UNK: variants seen among roughly 807,000 people sequenced by gnomAD.
UNK encodes unk zinc finger.
In UNK, 32 loss-of-function variants were observed where a neutral mutation model predicts 97.6. The observed-to-expected ratio is 0.33, with a 90% CI of 0.25 to 0.44. UNK has a LOEUF of 0.44. Ranked by LOEUF, UNK falls within the 20% of genes least tolerant of loss-of-function variation. UNK has a pLI of 1.00. For missense variants in UNK, 771 were observed against 1,098.4 expected (o/e 0.70, Z 4.21); for synonymous variants, 441 against 461.2 (o/e 0.96, Z 0.56).
Position 75,820,026 on chromosome 17 carries a change from G to T in UNK, c.1755G>T (p.Ser585=), listed in dbSNP as rs559521956. The T allele has an allele frequency of 6.2e-7, 1 of 1,613,856 alleles. No individual in the cohort carries two copies. The highest frequency in any genetic ancestry group is 8.5e-7 in the Non-Finnish European group (1 of 1,179,870). The change falls in exon 13 of 16, where the codon TCG becomes TCT. Residue 585 remains serine, a synonymous_variant. Transcript: ENST00000589666. The part of the protein sequence containing the change: ...ASPSPPVSLS[S]HFLQQPQGHL... ...CGTCCCCTCCCGTCAGCCTCTCCTC[G>T]CATTTCCTGCAGCAGCCCCAGGGCC...
In UNK at chr17:75,818,851, T is replaced by A. The variant is rs1033632735; in HGVS notation, c.1546+35T>A. On this transcript the variant is annotated intron_variant, in intron 11 of 15. Coordinates refer to ENST00000589666, the MANE Select transcript of UNK (RefSeq NM_001080419.3). This position sits in a 1 kb window ranked among gnomAD's most constrained non-coding sequence, Gnocchi z 5.1. The stretch of plus-strand genomic sequence containing the variant: ...CCATTTCTGTTTGAAAGCCCAGGAC[T>A]GGGTCTGGGGTCAGAGACCCCCCAG... 6.5e-7 allele frequency: 1 copy of A among 1,529,392 alleles called. No homozygotes were observed. The highest frequency in any genetic ancestry group is 8.8e-7 in the Non-Finnish European group (1 of 1,134,080). The allele number at this position is 1,529,392 out of a possible 1,614,324, so 94.7% of individuals were successfully genotyped here.
chr17:75,824,472 G>GTA lies in UNK; in HGVS notation c.*69_*70dup, dbSNP rs993389744. The GTA allele has an allele frequency of 2.2e-3, 2,442 of 1,097,882 alleles. 1 individual carries two copies. The highest frequency in any genetic ancestry group is 2.5e-3 in the Non-Finnish European group (2,106 of 857,988). 68.0% of individuals were successfully genotyped at this position (1,097,882 alleles called of 1,614,324 possible). Reference sequence around the variant, plus strand: ...ATCTTCTCACCTAGGACTTTTTAAAGTATATATATATATATGAATATATAT... The same window carrying GTA: ...ATCTTCTCACCTAGGACTTTTTAAAGTATATATATATATATATGAATATATAT... On this transcript the variant is annotated 3_prime_UTR_variant, in exon 16 of 16. Transcript: ENST00000589666. This position sits in a 1 kb window ranked among gnomAD's most constrained non-coding sequence, Gnocchi z 4.9.
intron 1 of UNK, among the ~76,000 whole-genome samples, chr17:75,795,586 C>T (rs919141413): frequency 2.0e-5 from 3 of 152,094 alleles, no homozygotes; most frequent in South Asian, 2.1e-4. Context: ...GTGATCTGCC[C>T]GTCTTGACCT....
At chr17:75,812,660 C>T in intron 4 of UNK, 75 bp downstream of exon 4, 2 of 1,544,658 alleles carry the variant, frequency 1.3e-6, no homozygotes, top group Non-Finnish European at 1.7e-6. Flanking sequence ...TGGCTCACCA[C>T]CACCTACTGC....
At chr17:75,788,208 C>G (rs1255043855) in intron 1 of UNK, among the ~76,000 whole-genome samples, 1 of 147,306 alleles carries the variant, frequency 6.8e-6, no homozygotes, top group Non-Finnish European at 1.5e-5. Context: ...GAGACAAAGT[C>G]TCACTCTGTT....
At chr17:75,813,646 G>A in intron 5 of UNK, 115 bp from the exon 6 acceptor site, 1 of 889,186 alleles carries the variant, frequency 1.1e-6, no homozygotes, top group Non-Finnish European at 1.7e-6. Flanking sequence ...TGACTCTGCA[G>A]CTGGTCTTTT....
intron 1 of UNK, among the ~76,000 whole-genome samples, chr17:75,790,940 GA>G (rs1372404196): frequency 6.6e-6 from 1 of 151,870 alleles, no homozygotes; most frequent in Non-Finnish European, 1.5e-5. Context: ...ACTCTGGCTT[GA>G]AAAAAATAAT....
rs984707471 is a variant in UNK at position 75,818,492 on chromosome 17, C to T, written c.1372-150C>T. On this transcript the variant is annotated intron_variant, in intron 10 of 15. Coordinates refer to ENST00000589666, the MANE Select transcript of UNK (RefSeq NM_001080419.3). This position sits in a 1 kb window ranked among gnomAD's most constrained non-coding sequence, Gnocchi z 5.1. Reference sequence around the variant, plus strand: ...CAACTCCATGCTCTCAACAAGGTGTCGGGTGTGCCGGGGCCCATGTGGGCA... The same window carrying T: ...CAACTCCATGCTCTCAACAAGGTGTTGGGTGTGCCGGGGCCCATGTGGGCA... The T allele has an allele frequency of 3.2e-5, 29 of 901,640 alleles. No homozygotes were observed. In the East Asian group the frequency reaches 4.3e-4, roughly 13 times the overall value. 55.9% of individuals were successfully genotyped at this position (901,640 alleles called of 1,614,324 possible). A position where few individuals can be genotyped will look rare whatever the true frequency, so the allele number is the denominator to read the frequency against.
intron 1 of UNK, among the ~76,000 whole-genome samples, chr17:75,789,197 G>A (rs2061740434): frequency 6.6e-6 from 1 of 152,080 alleles, no homozygotes; most frequent in Non-Finnish European, 1.5e-5. Flanking sequence ...AGGCACTTGT[G>A]CTGGACTTAG....
Position 75,812,136 on chromosome 17 carries a change from A to G in UNK, c.339A>G (p.Thr113=). ...GDECPFLHRT[T]GDTERRYHLR... is the part of the protein sequence containing the mutation. ...GGTGCCCATTCCTGCACAGAACCAC[A>G]GGGGACACTGAGCGCAGGTACCACC... The change falls in exon 3 of 16, where the codon ACA becomes ACG. Residue 113 remains threonine (T), a synonymous_variant. Coordinates refer to ENST00000589666, the MANE Select transcript of UNK (RefSeq NM_001080419.3). 1.2e-6 allele frequency: 2 copies of G among 1,611,730 alleles called. No homozygotes were observed. Among genetic ancestry groups the G allele is most frequent in the South Asian group, 2.2e-5 (2 of 90,798 alleles).
chr17:75,816,678 G>T lies in UNK; in HGVS notation c.962-92G>T. 6.9e-7 allele frequency: 1 copy of T among 1,438,894 alleles called. No individual in the cohort carries two copies. The highest frequency in any genetic ancestry group is 9.2e-7 in the Non-Finnish European group (1 of 1,086,758). The allele number at this position is 1,438,894 out of a possible 1,614,324, so 89.1% of individuals were successfully genotyped here. A position where few individuals can be genotyped will look rare whatever the true frequency, so the allele number is the denominator to read the frequency against. On this transcript the variant is annotated intron_variant, in intron 7 of 15. Transcript: ENST00000589666. This position sits in a 1 kb window ranked among gnomAD's most constrained non-coding sequence, Gnocchi z 4.0. The stretch of plus-strand genomic sequence containing the variant: ...GGAACCTTCCCTTTATGTGCAGGGG[G>T]ATTTGTGGTCTCCTTTGGAAGGGAC...
At chr17:75,821,362 T>G (rs1599392176) in intron 13 of UNK, 1 of 456,340 alleles carries the variant, frequency 2.2e-6, no homozygotes, top group African/African-American at 2.0e-5. Context: ...GAAGCAGAGG[T>G]GCCCAGCCAT....
chr17:75,820,025 C>T lies in UNK; in HGVS notation c.1754C>T (p.Ser585Leu), dbSNP rs545927861. Residue 585 changes from serine (S) to leucine (L), a missense_variant, in exon 13 of 16, where the codon TCG becomes TTG. By Grantham distance (145) the Ser-to-Leu change is moderately radical. Around this residue, in one of 5 missense-constraint regions of UNK, gnomAD observed 91 missense variants for 173.1 expected, o/e 0.53. Transcript: ENST00000589666. ...CCGTCCCCTCCCGTCAGCCTCTCCT[C>T]GCATTTCCTGCAGCAGCCCCAGGGC... ...ASPSPPVSLSSHFLQQPQGHL... is the reference protein window; with the variant it reads ...ASPSPPVSLSLHFLQQPQGHL... The T allele has an allele frequency of 1.2e-6, 2 of 1,613,926 alleles. No individual in the cohort carries two copies. The highest frequency in any genetic ancestry group is 1.7e-6 in the Non-Finnish European group (2 of 1,179,886).
rs1484549566 is a variant in UNK at position 75,816,755 on chromosome 17, C to T, written c.962-15C>T. On this transcript the variant is annotated splice_polypyrimidine_tract_variant and intron_variant, in intron 7 of 15. Coordinates refer to ENST00000589666, the MANE Select transcript of UNK (RefSeq NM_001080419.3). This position sits in a 1 kb window ranked among gnomAD's most constrained non-coding sequence, Gnocchi z 4.0. ...CTGGCTGGGGCCTGCTGACCCCTGC[C>T]CCTGACTCTTGCAGAGCCACCCCTG... 1 of 1,594,380 alleles carries T rather than the reference C, an allele frequency of 6.3e-7. No homozygotes were observed. Among genetic ancestry groups the T allele is most frequent in the Non-Finnish European group, 8.5e-7 (1 of 1,175,392 alleles).
At chr17:75,806,018 G>A (rs778278973) in intron 1 of UNK, among the ~76,000 whole-genome samples, 9 of 150,356 alleles carry the variant, frequency 6.0e-5, no homozygotes, top group Non-Finnish European at 1.3e-4. Context: ...AGACTGAGGC[G>A]CTTGAACCCC....
intron 1 of UNK, among the ~76,000 whole-genome samples, chr17:75,808,566 A>G (rs767150271): frequency 4.5e-4 from 68 of 151,150 alleles, no homozygotes; most frequent in Admixed American, 1.5e-3. Flanking sequence ...ATCCACTAGT[A>G]CCTCTCCTCC....
chr17:75,812,167 T>C lies in UNK; in HGVS notation c.370T>C (p.Tyr124His). Reference sequence around the variant, plus strand: ...CACTGAGCGCAGGTACCACCTTCGTTACTACAAAACTGGAATCTGCATCCA... The same window carrying C: ...CACTGAGCGCAGGTACCACCTTCGTCACTACAAAACTGGAATCTGCATCCA... ...GDTERRYHLR[Y>H]YKTGICIHET... Residue 124 changes from tyrosine (Y) to histidine (H), a missense_variant, in exon 3 of 16, where the codon TAC becomes CAC. Physicochemically the swap from Tyr to His is moderately conservative, Grantham distance 83. Around this residue, in one of 5 missense-constraint regions of UNK, gnomAD observed 246 missense variants for 440.7 expected, o/e 0.56. Coordinates refer to ENST00000589666, the MANE Select transcript of UNK (RefSeq NM_001080419.3). 1 of 1,613,956 alleles carries C rather than the reference T, an allele frequency of 6.2e-7. No individual in the cohort carries two copies. The highest frequency in any genetic ancestry group is 8.5e-7 in the Non-Finnish European group (1 of 1,179,920).
At chr17:75,803,940 A>T (rs775664490) in intron 1 of UNK, among the ~76,000 whole-genome samples, 21 of 152,268 alleles carry the variant, frequency 1.4e-4, no homozygotes, top group Non-Finnish European at 2.2e-4. Flanking sequence ...ACTCCAAAGT[A>T]AAACAGTGCT....
chr17:75,822,753 G>A (rs1021351765), intron 14 of UNK, 95 bp downstream of exon 14: 8 of 1,371,828 alleles, frequency 5.8e-6, no homozygotes, highest in African/African-American at 4.4e-5. Context: ...GGGGGAAAGC[G>A]GGGGCTGGAA....
Sources: gnomAD v4.1 joint callset for allele counts (sites outside exome capture counted in the v4.1 genomes callset) on GRCh38, gnomAD v4.1.1 for gene constraint, gnomAD v4.1.1 regional missense constraint, Gnocchi (gnomAD v3.1) non-coding constraint, MANE v1.5 for transcripts, NCBI Gene and HGNC (gene_info 2026-07-23, HGNC 2026-07-21) for gene names.